ABHD2: variants seen among roughly 807,000 people sequenced by gnomAD.
The protein encoded by ABHD2 is monoacylglycerol lipase ABHD2.
A neutral mutation model predicts 48.1 loss-of-function variants in ABHD2; 20 were observed. That is an observed-to-expected ratio of 0.42 (90% CI 0.29 to 0.60). ABHD2 has a LOEUF of 0.60. ABHD2 is among the 20% of genes least tolerant of loss of function. The pLI is 0.24. For missense variants in ABHD2, 405 were observed against 550.9 expected (o/e 0.74, Z 2.65); for synonymous variants, 209 against 214.2 (o/e 0.98, Z 0.21).
chr15:89,112,673 G>C (rs1208698732), intron 1 of ABHD2, among the ~76,000 whole-genome samples: 1 of 152,234 alleles, frequency 6.6e-6, no homozygotes, highest in Non-Finnish European at 1.5e-5. Context: ...CAGCTCTGCT[G>C]TTTACAGCTG....
the ABHD2 span, among the ~76,000 whole-genome samples, chr15:89,065,563 C>T: frequency 5.9e-5 from 9 of 152,178 alleles, no homozygotes; most frequent in South Asian, 1.9e-3. Context: ...TGATCTTAGA[C>T]ATTACATTGT....
the ABHD2 span, among the ~76,000 whole-genome samples, chr15:89,043,949 A>T: frequency 6.0e-3 from 906 of 151,554 alleles, 15 homozygotes; most frequent in African/African-American, 0.02. Flanking sequence ...CATGTGCACA[A>T]TGTGCAGGTT....
At chr15:89,059,968 T>A in the ABHD2 span, among the ~76,000 whole-genome samples, 1 of 152,022 alleles carries the variant, frequency 6.6e-6, no homozygotes, top group African/African-American at 2.4e-5. Context: ...GGTTCCCAGG[T>A]CTTCCAGGCA....
chr15:89,199,849 C>A lies in ABHD2; in HGVS notation c.*4426C>A, dbSNP rs6496565. ...CCCACCCCTCACTGCCCCCGATTACCCTAGAATTGCTTTCGCCAAATTGTA... is the reference window on the plus strand; with the variant it reads ...CCCACCCCTCACTGCCCCCGATTACACTAGAATTGCTTTCGCCAAATTGTA... On this transcript the variant is annotated 3_prime_UTR_variant, in exon 11 of 11. Coordinates refer to ENST00000352732, the MANE Select transcript of ABHD2 (RefSeq NM_152924.5). The surrounding 1 kb of genome is among the most constrained non-coding windows in gnomAD (Gnocchi z 4.1). 133,529 of 148,992 alleles carry A rather than the reference C, an allele frequency of 0.9. 60,053 individuals carry two copies. Among genetic ancestry groups the A allele is most frequent in the East Asian group, 1 (4,944 of 4,958 alleles). The allele number at this position is 148,992 out of a possible 1,614,324, so 9.2% of individuals were successfully genotyped here. A position where few individuals can be genotyped will look rare whatever the true frequency, so the allele number is the denominator to read the frequency against.
the ABHD2 span, among the ~76,000 whole-genome samples, chr15:89,059,705 C>A: frequency 6.6e-6 from 1 of 152,046 alleles, no homozygotes; most frequent in African/African-American, 2.4e-5. Context: ...GTAATTGATC[C>A]CCAGAAATTA....
At chr15:89,128,447 C>T (rs529784592) in intron 3 of ABHD2, among the ~76,000 whole-genome samples, 1 of 152,334 alleles carries the variant, frequency 6.6e-6, no homozygotes, top group East Asian at 1.9e-4. Context: ...TGGTAGAGGC[C>T]TTGCTGCCAT....
At chr15:89,121,054 A>G (rs1169264185) in intron 3 of ABHD2, among the ~76,000 whole-genome samples, 1 of 152,182 alleles carries the variant, frequency 6.6e-6, no homozygotes, top group East Asian at 1.9e-4. Context: ...ACTTTTTTAT[A>G]GCTTCAGAAT....
rs563697309 is a variant in ABHD2 at position 89,159,251 on chromosome 15, C to G, written c.538+3717C>G. On this transcript the variant is annotated intron_variant, in intron 5 of 10. Coordinates refer to ENST00000352732, the MANE Select transcript of ABHD2 (RefSeq NM_152924.5). ...AATTAGCCAGGCATGGTGGCAGGCA[C>G]CTGTAATCCCAGCTACTTGGGAGCC... 9.7e-4 allele frequency among the ~76,000 whole-genome samples: 148 copies of G among 152,036 alleles called. 2 individuals carry two copies. The highest frequency in any genetic ancestry group is 3.5e-3 in the African/African-American group (147 of 41,496).
At chr15:89,060,033 A>G in the ABHD2 span, among the ~76,000 whole-genome samples, 1 of 148,806 alleles carries the variant, frequency 6.7e-6, no homozygotes, top group Non-Finnish European at 1.5e-5. Flanking sequence ...GCAGTGTCTC[A>G]TTGAAAAGCT....
the ABHD2 span, among the ~76,000 whole-genome samples, chr15:89,063,741 G>C: frequency 6.6e-6 from 1 of 152,114 alleles, no homozygotes; most frequent in Admixed American, 6.5e-5. Flanking sequence ...TTCACTTCCA[G>C]AACTTTTTCA....
the ABHD2 span, among the ~76,000 whole-genome samples, chr15:89,066,782 G>A: frequency 4.6e-5 from 7 of 152,164 alleles, no homozygotes; most frequent in Non-Finnish European, 7.4e-5. Context: ...AGAGAGCCAC[G>A]GGCCAGCCAA....
In ABHD2 at chr15:89,137,386, T is replaced by C. The variant is rs571399598; in HGVS notation, c.195-14291T>C. 2.9e-4 allele frequency among the ~76,000 whole-genome samples: 44 copies of C among 152,360 alleles called. 1 individual carries two copies. In the South Asian group the frequency reaches 8.9e-3, roughly 31 times the overall value. On this transcript the variant is annotated intron_variant, in intron 3 of 10. Transcript: ENST00000352732. This position sits in a 1 kb window ranked among gnomAD's most constrained non-coding sequence, Gnocchi z 4.8. The stretch of plus-strand genomic sequence containing the variant: ...AACTTTAGAAAAGCACATTTATTTT[T>C]CCTTGGAGCAAAAAAGTAGTTTCTT...
intron 3 of ABHD2, among the ~76,000 whole-genome samples, chr15:89,122,873 G>C (rs1334503959): frequency 2.6e-5 from 4 of 152,206 alleles, no homozygotes; most frequent in Non-Finnish European, 1.5e-5. Flanking sequence ...TGTGATGGAG[G>C]ACTTGGCTAA....
At position 89,201,897 on chromosome 15, in the gene ABHD2, C is replaced by T. The variant is rs1234933684; in HGVS notation, c.*6474C>T. 1 of 636,646 alleles carries T rather than the reference C, an allele frequency of 1.6e-6. No homozygotes were observed. Among genetic ancestry groups the T allele is most frequent in the Non-Finnish European group, 2.7e-6 (1 of 363,878 alleles). The allele number at this position is 636,646 out of a possible 1,614,324, so 39.4% of individuals were successfully genotyped here. On this transcript the variant is annotated 3_prime_UTR_variant, in exon 11 of 11. Coordinates refer to ENST00000352732, the MANE Select transcript of ABHD2 (RefSeq NM_152924.5). ...GGAGCGAGTTCGCATCTCTCCTTTT[C>T]CTGGTTAGACTCTGTTCAACCACAT...
chr15:89,083,157 T>G (rs533757123), upstream of ABHD2, among the ~76,000 whole-genome samples: 19 of 152,176 alleles, frequency 1.2e-4, no homozygotes, highest in Middle Eastern at 6.8e-3. The surrounding 1 kb of genome is among the most constrained non-coding windows in gnomAD (Gnocchi z 5.1). Context: ...GCCCGGCCTG[T>G]TTTTGTTTTT....
At chr15:89,127,706 C>CATACATATATATATAT (rs58331064) in intron 3 of ABHD2, among the ~76,000 whole-genome samples, 30 of 129,896 alleles carry the variant, frequency 2.3e-4, no homozygotes, top group African/African-American at 1.1e-3. Flanking sequence ...TATATATATA[C>CATACATATATATATAT]ATATATATAT....
the ABHD2 span, among the ~76,000 whole-genome samples, chr15:89,055,370 A>G: frequency 1.5e-5 from 2 of 137,862 alleles, no homozygotes; most frequent in African/African-American, 5.5e-5. Flanking sequence ...TCTGTTGCTC[A>G]GGCTGGAGTG....
chr15:89,090,984 G>A (rs754834021), intron 1 of ABHD2, among the ~76,000 whole-genome samples: 49 of 152,218 alleles, frequency 3.2e-4, no homozygotes, highest in African/African-American at 1.2e-3. Context: ...TGACTGATCC[G>A]TGCTGGCAAT....
the ABHD2 span, among the ~76,000 whole-genome samples, chr15:89,063,221 G>A: frequency 3.0e-4 from 46 of 152,206 alleles, 1 homozygote; most frequent in African/African-American, 1.0e-3. Flanking sequence ...CCCTGCCTCA[G>A]CCTCCTAAAG....
Sources: allele counts gnomAD v4.1 joint callset (sites outside exome capture counted in the v4.1 genomes callset), GRCh38; gene constraint gnomAD v4.1.1; non-coding constraint Gnocchi (gnomAD v3.1); transcripts MANE v1.5; gene names NCBI Gene and HGNC (gene_info 2026-07-23, HGNC 2026-07-21).